The following COL24A1 variants were observed in gnomAD, a reference collection of about 807,000 sequenced individuals.
The protein encoded by COL24A1 is collagen alpha-1(XXIV) chain.
In COL24A1, 224 loss-of-function variants were observed where a neutral mutation model predicts 253.9. The ratio of observed to expected loss-of-function variants is 0.88; its 90% CI spans 0.79 to 0.99. The LOEUF is 0.99. COL24A1 is among the 50% of genes least tolerant of loss of function. COL24A1 has a pLI of 0.00. For missense variants in COL24A1, 2,131 were observed against 2,068.5 expected, an observed-to-expected ratio of 1.03 and a Z score of -0.59; for synonymous variants, 685 against 673.7, an observed-to-expected ratio of 1.02 and a Z score of -0.26.
intron 47 of COL24A1, among the ~76,000 whole-genome samples, chr1:85,809,722 G>A (rs550130075): frequency 6.7e-6 from 1 of 150,180 alleles, no homozygotes; most frequent in Admixed American, 6.6e-5. Context: ...CTGTAAGGTT[G>A]CTGTTTTTTT....
intron 55 of COL24A1, among the ~76,000 whole-genome samples, chr1:85,759,143 TA>T (rs1666580122): frequency 1.3e-5 from 2 of 152,134 alleles, no homozygotes; most frequent in African/African-American, 2.4e-5. Flanking sequence ...TCTATGAGTC[TA>T]ATTTTTTATA....
chr1:85,744,590 C>A, intron 57 of COL24A1, 76 bp downstream of exon 57: 1 of 1,236,786 alleles, frequency 8.1e-7, no homozygotes, highest in Admixed American at 2.1e-5. Context: ...TTGGAGTGAA[C>A]ACATTACAAA....
At position 86,007,213 on chromosome 1, in the gene COL24A1, A is replaced by AAAAC. The variant is rs138113987; in HGVS notation, c.2310+9934_2310+9937dup. 3.0e-4 allele frequency among the ~76,000 whole-genome samples: 46 copies of AAAAC among 151,514 alleles called. 1 individual carries two copies. The highest frequency in any genetic ancestry group is 1.4e-3 in the East Asian group (7 of 5,170). ...CTGAGTGACATAGTGAAACTGTCTC[A>AAAAC]AAACAAACAAACAAACAAACAAACC... On this transcript the variant is annotated intron_variant, in intron 19 of 59. Coordinates refer to ENST00000370571, the MANE Select transcript of COL24A1 (RefSeq NM_152890.7).
At chr1:85,889,800 T>C (rs1035199164) in intron 31 of COL24A1, among the ~76,000 whole-genome samples, 187 bp from the exon 32 acceptor site, 2 of 152,046 alleles carry the variant, frequency 1.3e-5, no homozygotes, top group African/African-American at 4.8e-5. Context: ...CATTTTTAAA[T>C]GTAAAGTTTG....
At chr1:86,033,156 G>A (rs1698718417) in intron 13 of COL24A1, among the ~76,000 whole-genome samples, 1 of 152,012 alleles carries the variant, frequency 6.6e-6, no homozygotes, top group Non-Finnish European at 1.5e-5. Context: ...AAGTAAAAAA[G>A]AAGAAAAATA....
intron 52 of COL24A1, among the ~76,000 whole-genome samples, chr1:85,780,496 C>T (rs1669036042): frequency 1.3e-5 from 2 of 152,044 alleles, no homozygotes; most frequent in African/African-American, 2.4e-5. Context: ...TTTCTTAAAG[C>T]ACTGGCATAT....
chr1:86,101,018 A>G (rs1254766763), intron 5 of COL24A1, among the ~76,000 whole-genome samples: 2 of 151,938 alleles, frequency 1.3e-5, no homozygotes, highest in Non-Finnish European at 2.9e-5. Context: ...GGAACCCCTG[A>G]GCTTGCAGTT....
At chr1:86,108,227 T>C (rs928849999) in intron 5 of COL24A1, among the ~76,000 whole-genome samples, 6 of 152,212 alleles carry the variant, frequency 3.9e-5, no homozygotes, top group African/African-American at 7.2e-5. Context: ...ATAAATAATT[T>C]GATACGTTCT....
intron 43 of COL24A1, among the ~76,000 whole-genome samples, chr1:85,835,908 G>T (rs1675950439): frequency 6.6e-6 from 1 of 152,304 alleles, no homozygotes; most frequent in African/African-American, 2.4e-5. Flanking sequence ...GCAATCTGAG[G>T]AATGGCATGT....
chr1:85,844,960 C>T (rs1054400517), intron 39 of COL24A1, among the ~76,000 whole-genome samples: 3 of 151,708 alleles, frequency 2.0e-5, no homozygotes, highest in African/African-American at 7.3e-5. Flanking sequence ...ATATGACTTG[C>T]TTAACACTTA....
chr1:85,827,137 G>A (rs1267368578), intron 43 of COL24A1, among the ~76,000 whole-genome samples: 8 of 152,070 alleles, frequency 5.3e-5, no homozygotes, highest in South Asian at 2.1e-4. Flanking sequence ...TAGCATGAAG[G>A]GCTGTTGAAT....
intron 31 of COL24A1, among the ~76,000 whole-genome samples, chr1:85,893,583 C>A (rs181054475): frequency 1.3e-3 from 200 of 152,172 alleles, no homozygotes; most frequent in African/African-American, 4.6e-3. Flanking sequence ...GGATTGTGGT[C>A]TTTCTTCCTG....
intron 10 of COL24A1, among the ~76,000 whole-genome samples, chr1:86,054,237 C>T (rs1052800601): frequency 1.3e-5 from 2 of 152,026 alleles, no homozygotes; most frequent in East Asian, 1.9e-4. Context: ...CCGGCCTAGG[C>T]AAAGAATTTG....
Position 86,063,045 on chromosome 1 carries a change from T to C in COL24A1, c.1752+670A>G, listed in dbSNP as rs547872471. Among the ~76,000 whole-genome samples the C allele has an allele frequency of 3.3e-5, 5 of 152,170 alleles. No homozygotes were observed. In the South Asian group the frequency reaches 1.0e-3, roughly 32 times the overall value. On this transcript the variant is annotated intron_variant, in intron 8 of 59. Coordinates refer to ENST00000370571, the MANE Select transcript of COL24A1 (RefSeq NM_152890.7). ...CTTACCCTTTTCACTGTTATATTCATATTATATTTTCAATATAGTACACAC... is the reference window on the plus strand; with the variant it reads ...CTTACCCTTTTCACTGTTATATTCACATTATATTTTCAATATAGTACACAC...
chr1:85,795,913 T>C (rs1670758125), intron 47 of COL24A1, among the ~76,000 whole-genome samples: 1 of 152,194 alleles, frequency 6.6e-6, no homozygotes, highest in South Asian at 2.1e-4. Flanking sequence ...TTTCTCGTTT[T>C]ATTTGGTTTA....
chr1:86,043,786 A>G (rs940064703), intron 12 of COL24A1, among the ~76,000 whole-genome samples: 1 of 152,164 alleles, frequency 6.6e-6, no homozygotes, highest in Non-Finnish European at 1.5e-5. Flanking sequence ...TCGGCCCCCC[A>G]AAGCACTGGG....
chr1:85,805,944 C>T (rs1290744323), intron 47 of COL24A1, among the ~76,000 whole-genome samples: 2 of 151,974 alleles, frequency 1.3e-5, no homozygotes, highest in African/African-American at 4.8e-5. Context: ...AGCGTGGTGG[C>T]GGGCACCTGT....
chr1:85,885,397 A>ATATTT (rs60994639), intron 32 of COL24A1, among the ~76,000 whole-genome samples: 9 of 128,912 alleles, frequency 7.0e-5, no homozygotes, highest in African/African-American at 2.6e-4. Flanking sequence ...ATATATATAT[A>ATATTT]TTTTTTTTTT....
intron 24 of COL24A1, among the ~76,000 whole-genome samples, chr1:85,926,659 G>A (rs2103058757): frequency 6.6e-6 from 1 of 151,866 alleles, no homozygotes; most frequent in Non-Finnish European, 1.5e-5. Flanking sequence ...ACACACGGGG[G>A]CCTGTCATGG....
Sources: gnomAD v4.1 joint callset for allele counts (sites outside exome capture counted in the v4.1 genomes callset) on GRCh38, gnomAD v4.1.1 for gene constraint, MANE v1.5 for transcripts, NCBI Gene and HGNC (gene_info 2026-07-23, HGNC 2026-07-21) for gene names.